OSBPL9: variants seen among roughly 807,000 people sequenced by gnomAD.
OSBPL9 encodes the protein oxysterol binding protein like 9, also known as oxysterol-binding protein-related protein 9.
Under a neutral mutation model 106.6 loss-of-function variants are expected in OSBPL9, and 40 were observed. The observed-to-expected ratio is 0.38, with a 90% CI of 0.29 to 0.49. OSBPL9 has a LOEUF of 0.49. OSBPL9 is among the 20% of genes least tolerant of loss of function. The probability of loss-of-function intolerance (pLI) is 0.97; values close to 1 mark genes in which losing one functional copy is unlikely to be tolerated. For synonymous variants in OSBPL9, 269 were observed against 295.4 expected, an observed-to-expected ratio of 0.91 and a Z score of 0.92; for missense variants, 609 against 887.2, an observed-to-expected ratio of 0.69 and a Z score of 3.98.
intron 1 of OSBPL9, among the ~76,000 whole-genome samples, chr1:51,618,205 G>T (rs372927115): frequency 8.5e-5 from 13 of 152,208 alleles, no homozygotes; most frequent in African/African-American, 3.1e-4. Context: ...TTTTAGTAGA[G>T]ACGGGGTTTC....
At chr1:51,725,437 G>A (rs556393292) in intron 4 of OSBPL9, among the ~76,000 whole-genome samples, 39 of 152,140 alleles carry the variant, frequency 2.6e-4, no homozygotes, top group East Asian at 7.7e-4. Flanking sequence ...GTCTAGTTTC[G>A]ATGCTTACTG....
intron 1 of OSBPL9, among the ~76,000 whole-genome samples, chr1:51,630,251 C>T (rs1182181945): frequency 6.6e-6 from 1 of 151,792 alleles, no homozygotes; most frequent in Non-Finnish European, 1.5e-5. Context: ...CTTTTTTGGT[C>T]AGATAAGGAA....
intron 3 of OSBPL9, chr1:51,708,922 A>T (rs569581853): frequency 1.3e-5 from 2 of 152,280 alleles, no homozygotes; most frequent in Non-Finnish European, 2.9e-5. Context: ...TCCAATCTAT[A>T]TGCAGTTGTT....
At chr1:51,787,690 T>C (rs1203508503) in intron 23 of OSBPL9, 25 bp from the exon 24 acceptor site, 1 of 1,606,422 alleles carries the variant, frequency 6.2e-7, no homozygotes, top group Non-Finnish European at 8.5e-7. Context: ...AATATGTAAC[T>C]AAATTCTTCC....
intron 12 of OSBPL9, among the ~76,000 whole-genome samples, chr1:51,767,934 G>GTTTT (rs1367458545): frequency 1.9e-5 from 2 of 104,684 alleles, no homozygotes; most frequent in African/African-American, 7.4e-5. Context: ...ATTAAAGACC[G>GTTTT]TCTTTTTTTT....
chr1:51,716,241 C>G (rs190887228), intron 4 of OSBPL9, among the ~76,000 whole-genome samples: 1 of 152,282 alleles, frequency 6.6e-6, no homozygotes, highest in Non-Finnish European at 1.5e-5. Context: ...AATTAATGTT[C>G]ATTTGACTGG....
chr1:51,729,730 A>T lies in OSBPL9; in HGVS notation c.318+15651A>T. 1 of 932,550 alleles carries T rather than the reference A, an allele frequency of 1.1e-6. No individual in the cohort carries two copies. The highest frequency in any genetic ancestry group is 1.4e-6 in the Non-Finnish European group (1 of 715,774). The allele number at this position is 932,550 out of a possible 1,614,324, so 57.8% of individuals were successfully genotyped here. The stretch of plus-strand genomic sequence containing the variant: ...AGCAGGTGACCCATGGCCAATCGCC[A>T]GGGGTCTCTTTGCCAGGAGCCGCCA... On this transcript the variant is annotated intron_variant, in intron 4 of 23. Coordinates refer to ENST00000428468, the MANE Select transcript of OSBPL9 (RefSeq NM_024586.6). This position sits in a 1 kb window ranked among gnomAD's most constrained non-coding sequence, Gnocchi z 5.1.
At chr1:51,651,686 T>C (rs1045484665) in intron 1 of OSBPL9, among the ~76,000 whole-genome samples, 1 of 151,794 alleles carries the variant, frequency 6.6e-6, no homozygotes. Flanking sequence ...GTTCTCTGAC[T>C]CTCTAAAGTA....
At chr1:51,723,914 G>T (rs1233024918) in intron 4 of OSBPL9, among the ~76,000 whole-genome samples, 1 of 152,060 alleles carries the variant, frequency 6.6e-6, no homozygotes, top group Non-Finnish European at 1.5e-5. Context: ...CTTTAGTTTT[G>T]TACAGAATTC....
At chr1:51,743,971 AT>A (rs887223419) in intron 4 of OSBPL9, among the ~76,000 whole-genome samples, 10 of 150,456 alleles carry the variant, frequency 6.6e-5, no homozygotes, top group African/African-American at 1.2e-4. Flanking sequence ...GTTTATTAAG[AT>A]TTTTTTTTTC....
At chr1:51,663,764 A>G (rs1647721769) in intron 2 of OSBPL9, among the ~76,000 whole-genome samples, 1 of 152,268 alleles carries the variant, frequency 6.6e-6, no homozygotes, top group Admixed American at 6.5e-5. Context: ...AAGGGCTCAT[A>G]CCCATGATAT....
chr1:51,760,284 T>A (rs2149062801), intron 9 of OSBPL9: 1 of 195,892 alleles, frequency 5.1e-6, no homozygotes, highest in East Asian at 1.5e-4. Context: ...GATGAGATCC[T>A]AGTGGTGCAG....
the OSBPL9 span, among the ~76,000 whole-genome samples, chr1:51,556,690 G>T: frequency 6.6e-6 from 1 of 151,904 alleles, no homozygotes; most frequent in Non-Finnish European, 1.5e-5. Context: ...GGAGGCTGAG[G>T]CAGGAGAAAT....
At chr1:51,626,869 A>G (rs1300962144) in intron 1 of OSBPL9, among the ~76,000 whole-genome samples, 1 of 152,070 alleles carries the variant, frequency 6.6e-6, no homozygotes, top group East Asian at 1.9e-4. Context: ...GCTGCTGCTT[A>G]TGCTTTTGGT....
At chr1:51,682,631 G>A (rs952274138) in intron 3 of OSBPL9, among the ~76,000 whole-genome samples, 6 of 151,672 alleles carry the variant, frequency 4.0e-5, no homozygotes, top group South Asian at 4.2e-4. Flanking sequence ...GGTGGCGCGC[G>A]CCTATAATCC....
chr1:51,544,393 T>A, the OSBPL9 span, among the ~76,000 whole-genome samples: 2 of 151,018 alleles, frequency 1.3e-5, no homozygotes, highest in South Asian at 4.1e-4. Flanking sequence ...TTACGATCTC[T>A]TAGCCTCCAT....
chr1:51,783,371 A>C (rs1328392250), intron 17 of OSBPL9, among the ~76,000 whole-genome samples: 4 of 142,954 alleles, frequency 2.8e-5, no homozygotes, highest in Non-Finnish European at 6.0e-5. Flanking sequence ...TTTTTTTTAG[A>C]GTCAGTGTAT....
Position 51,713,984 on chromosome 1 carries a change from G to A in OSBPL9, c.242-19G>A, listed in dbSNP as rs1660591516. ...ATAGAATTAAACTTTTAATTTTAAT[G>A]TATAATCTTTTATTCCAGCCCGTGA... On this transcript the variant is annotated intron_variant, in intron 3 of 23. Transcript: ENST00000428468. The A allele has an allele frequency of 1.3e-6, 2 of 1,577,260 alleles. No homozygotes were observed. Among genetic ancestry groups the A allele is most frequent in the Non-Finnish European group, 1.7e-6 (2 of 1,156,606 alleles).
intron 4 of OSBPL9, among the ~76,000 whole-genome samples, chr1:51,720,746 G>A (rs1661951856): frequency 6.7e-6 from 1 of 149,146 alleles, no homozygotes; most frequent in Non-Finnish European, 1.5e-5. Context: ...TATGGTTTTT[G>A]TGGCTACTTC....
Sources: allele counts gnomAD v4.1 joint callset (sites outside exome capture counted in the v4.1 genomes callset), GRCh38; gene constraint gnomAD v4.1.1; non-coding constraint Gnocchi (gnomAD v3.1); transcripts MANE v1.5; gene names NCBI Gene and HGNC (gene_info 2026-07-23, HGNC 2026-07-21).